The following PDZD2 variants were observed in gnomAD, a reference collection of about 807,000 sequenced individuals.
The protein encoded by PDZD2 is PDZ domain-containing protein 2.
In PDZD2, 90 loss-of-function variants were observed where a neutral mutation model predicts 220.7. The observed-to-expected ratio is 0.41, with a 90% CI of 0.34 to 0.49. The LOEUF (loss-of-function observed/expected upper bound fraction) is 0.49, where lower values mean the gene tolerates loss of function less well. PDZD2 is among the 20% of genes least tolerant of loss of function. PDZD2 has a pLI of 0.28. For synonymous variants in PDZD2, 1,375 were observed against 1,450.5 expected, an observed-to-expected ratio of 0.95 and a Z score of 1.18; for missense variants, 3,174 against 3,608.5, an observed-to-expected ratio of 0.88 and a Z score of 3.08.
intron 2 of PDZD2, among the ~76,000 whole-genome samples, chr5:31,892,167 C>T (rs1476862333): frequency 6.6e-6 from 1 of 152,074 alleles, no homozygotes; most frequent in Non-Finnish European, 1.5e-5. Context: ...GCCTCAGCCT[C>T]CCAAAGTGCT....
In PDZD2 at chr5:31,799,446, G is replaced by A; in HGVS notation, c.198G>A (p.Met66Ile). The change falls in exon 2 of 25, where the codon ATG becomes ATA. Residue 66 changes from methionine to isoleucine, a missense_variant. Met to Ile is a conservative substitution (Grantham distance 10). Transcript: ENST00000438447. ...TVPPDHSPPE[M>I]EICTVYLTKE... is the part of the protein sequence containing the mutation. ...CACCTGATCACAGCCCCCCCGAAATGGAGATCTGTACTGTGTACCTCACCA... is the reference window on the plus strand; with the variant it reads ...CACCTGATCACAGCCCCCCCGAAATAGAGATCTGTACTGTGTACCTCACCA... 1 of 1,614,204 alleles carries A rather than the reference G, an allele frequency of 6.2e-7. No individual in the cohort carries two copies. The highest frequency in any genetic ancestry group is 8.5e-7 in the Non-Finnish European group (1 of 1,180,026).
intron 19 of PDZD2, among the ~76,000 whole-genome samples, chr5:32,081,277 A>G (rs1451542975): frequency 6.6e-6 from 1 of 152,126 alleles, no homozygotes; most frequent in Non-Finnish European, 1.5e-5. Flanking sequence ...TGGATTTCCC[A>G]TAGATAATGA....
At chr5:31,823,154 CAAAAAAAAAAAAAAA>C (rs397997277) in intron 2 of PDZD2, 203 of 105,400 alleles carry the variant, frequency 1.9e-3, no homozygotes, top group African/African-American at 5.9e-3. Context: ...GTAGACGTGG[CAAAAAAAAAAAAAAA>C]AAAAAAAAAA....
intron 1 of PDZD2, among the ~76,000 whole-genome samples, chr5:31,782,513 A>C (rs988039530): frequency 2.0e-5 from 3 of 151,784 alleles, no homozygotes; most frequent in Non-Finnish European, 4.4e-5. Context: ...CTCTTGTTCT[A>C]ATTGATCAAT....
chr5:31,850,152 ATG>A (rs1290911998), intron 2 of PDZD2, among the ~76,000 whole-genome samples: 44 of 111,356 alleles, frequency 4.0e-4, no homozygotes, highest in Non-Finnish European at 6.9e-4. Flanking sequence ...ATAAGTATAT[ATG>A]TGTATATATG....
At chr5:31,982,224 G>A (rs1334559493) in intron 2 of PDZD2, among the ~76,000 whole-genome samples, 1 of 152,244 alleles carries the variant, frequency 6.6e-6, no homozygotes, top group East Asian at 1.9e-4. Flanking sequence ...CCTAAACTGG[G>A]ACTGTTACCA....
At chr5:31,974,421 A>G (rs1037901963) in intron 2 of PDZD2, among the ~76,000 whole-genome samples, 2 of 152,222 alleles carry the variant, frequency 1.3e-5, no homozygotes, top group African/African-American at 4.8e-5. Context: ...GTTTATATTA[A>G]TCATTGGTAT....
intron 3 of PDZD2, among the ~76,000 whole-genome samples, chr5:31,994,676 G>A (rs1466584127): frequency 2.6e-5 from 4 of 151,488 alleles, no homozygotes; most frequent in East Asian, 2.0e-4. Context: ...TTGTAGAGAC[G>A]GGGTTTCACC....
At chr5:31,753,418 C>T (rs1751125684) in intron 1 of PDZD2, among the ~76,000 whole-genome samples, 1 of 152,170 alleles carries the variant, frequency 6.6e-6, no homozygotes, top group Admixed American at 6.5e-5. Flanking sequence ...GCCTAGCCAA[C>T]ATGGCAAAAC....
intron 1 of PDZD2, among the ~76,000 whole-genome samples, chr5:31,669,401 C>CAA (rs34910299): frequency 1.0e-4 from 11 of 109,636 alleles, no homozygotes; most frequent in Admixed American, 2.0e-4. Context: ...GACCCTGTCT[C>CAA]AAAAAAAAAA....
chr5:31,803,936 G>C (rs1013281211), intron 2 of PDZD2, among the ~76,000 whole-genome samples: 2 of 151,858 alleles, frequency 1.3e-5, no homozygotes, highest in Admixed American at 6.6e-5. Context: ...CTACTCGAGA[G>C]GCTGAGGTGG....
rs532139045 is a variant in PDZD2 at position 31,947,820 on chromosome 5, G to A, written c.477-35335G>A. 5.9e-5 allele frequency among the ~76,000 whole-genome samples: 9 copies of A among 151,992 alleles called. No homozygotes were observed. The South Asian group carries it at 1.3e-3, about 21-fold the overall frequency. ...GGATAGAGTGTGACCTGGTCTATGC[G>A]TCTGTTGGTGGGGGGTGGTGGATGG... On this transcript the variant is annotated intron_variant, in intron 2 of 24. Transcript: ENST00000438447.
At chr5:31,837,186 C>G (rs529269257) in intron 2 of PDZD2, among the ~76,000 whole-genome samples, 3 of 152,298 alleles carry the variant, frequency 2.0e-5, no homozygotes, top group East Asian at 3.9e-4. Context: ...GCCTGGATCC[C>G]TCCCCACAAA....
intron 2 of PDZD2, among the ~76,000 whole-genome samples, chr5:31,887,266 C>T (rs911152121): frequency 6.6e-6 from 1 of 152,232 alleles, no homozygotes; most frequent in Admixed American, 6.5e-5. Context: ...CATACACACA[C>T]AAAATCGATA....
chr5:31,932,613 A>G lies in PDZD2; in HGVS notation c.477-50542A>G, dbSNP rs566035926. ...AGGCTCCATTGACTTCACACACTTA[A>G]TATAAAAGTTCTCATTTTAATAAAT... On this transcript the variant is annotated intron_variant, in intron 2 of 24. Coordinates refer to ENST00000438447, the MANE Select transcript of PDZD2 (RefSeq NM_178140.4). 5.8e-4 allele frequency among the ~76,000 whole-genome samples: 89 copies of G among 152,284 alleles called. 1 individual carries two copies. Among genetic ancestry groups the G allele is most frequent in the African/African-American group, 2.1e-3 (87 of 41,552 alleles).
At chr5:31,799,917 A>T (rs1039615282) in intron 2 of PDZD2, among the ~76,000 whole-genome samples, 193 bp downstream of exon 2, 2 of 152,122 alleles carry the variant, frequency 1.3e-5, no homozygotes, top group Non-Finnish European at 2.9e-5. Context: ...TGGGTCTTGG[A>T]TGTGTTTTCA....
intron 2 of PDZD2, among the ~76,000 whole-genome samples, chr5:31,976,714 C>CTTTTTTTTTT (rs869280921): frequency 5.0e-5 from 5 of 99,720 alleles, no homozygotes; most frequent in Non-Finnish European, 7.8e-5. Context: ...TTTCTTCTTT[C>CTTTTTTTTTT]TTTTTTTTTT....
rs546991661 is a variant in PDZD2 at position 31,875,066 on chromosome 5, G to A, written c.476+75342G>A. On this transcript the variant is annotated intron_variant, in intron 2 of 24. Transcript: ENST00000438447. Reference sequence around the variant, plus strand: ...GACATAAATAGTATTAATGTATCACGTCTTGCTTTTTATGCTGCTTATTTT... The same window carrying A: ...GACATAAATAGTATTAATGTATCACATCTTGCTTTTTATGCTGCTTATTTT... Among the ~76,000 whole-genome samples the A allele has an allele frequency of 7.9e-5, 12 of 152,216 alleles. No individual in the cohort carries two copies. The South Asian group carries it at 1.0e-3, about 13-fold the overall frequency.
At chr5:31,697,180 C>T (rs1478535344) in intron 1 of PDZD2, among the ~76,000 whole-genome samples, 2 of 152,148 alleles carry the variant, frequency 1.3e-5, no homozygotes, top group African/African-American at 2.4e-5. Flanking sequence ...GGAAAGAACA[C>T]AGCTGAGCGT....
Sources: allele counts gnomAD v4.1 joint callset (sites outside exome capture counted in the v4.1 genomes callset), GRCh38; gene constraint gnomAD v4.1.1; transcripts MANE v1.5; gene names NCBI Gene and HGNC (gene_info 2026-07-23, HGNC 2026-07-21).